The following XRCC4 variants were observed in gnomAD, a reference collection of about 807,000 sequenced individuals.
XRCC4 encodes the protein X-ray repair cross complementing 4, also known as DNA repair protein XRCC4.
Under a neutral mutation model 39.1 loss-of-function variants are expected in XRCC4, and 28 were observed. The observed-to-expected ratio is 0.72, with a 90% CI of 0.53 to 0.98. The LOEUF is 0.98. Ranked by LOEUF, XRCC4 falls within the 50% of genes least tolerant of loss-of-function variation. The probability of loss-of-function intolerance (pLI) is 0.00; values close to 1 mark genes in which losing one functional copy is unlikely to be tolerated. For synonymous variants in XRCC4, 123 were observed against 126.4 expected, an observed-to-expected ratio of 0.97 and a Z score of 0.18; for missense variants, 350 against 376.4, an observed-to-expected ratio of 0.93 and a Z score of 0.58.
intron 4 of XRCC4, among the ~76,000 whole-genome samples, chr5:83,200,385 A>T (rs1751136124): frequency 6.6e-6 from 1 of 152,216 alleles, no homozygotes; most frequent in Non-Finnish European, 1.5e-5. Context: ...GCTGAAACCA[A>T]GCAAGGTTAA....
At chr5:83,126,318 A>T (rs1161456049) in intron 3 of XRCC4, among the ~76,000 whole-genome samples, 1 of 152,108 alleles carries the variant, frequency 6.6e-6, no homozygotes, top group Non-Finnish European at 1.5e-5. Context: ...GTGGCTCATT[A>T]TGAGCATCTA....
intron 3 of XRCC4, among the ~76,000 whole-genome samples, chr5:83,192,090 A>C (rs1008979105): frequency 1.8e-4 from 27 of 148,128 alleles, no homozygotes; most frequent in African/African-American, 6.6e-4. Flanking sequence ...TAAAAAGCTA[A>C]AAGTATTTAT....
downstream of XRCC4, among the ~76,000 whole-genome samples, chr5:83,358,493 C>T (rs1018545374): frequency 6.6e-6 from 1 of 152,040 alleles, no homozygotes; most frequent in South Asian, 2.1e-4. Context: ...ATTTCACAAT[C>T]TCACAAGCAG....
chr5:83,182,163 T>C (rs764083632), intron 3 of XRCC4, among the ~76,000 whole-genome samples: 45 of 152,126 alleles, frequency 3.0e-4, no homozygotes, highest in South Asian at 8.3e-4. Flanking sequence ...TATAGAATAG[T>C]TGCTGTGGCC....
At position 83,203,535 on chromosome 5, in the gene XRCC4, C is replaced by T. The variant is rs374634899; in HGVS notation, c.483-17C>T. The T allele has an allele frequency of 1.9e-6, 3 of 1,571,582 alleles. No individual in the cohort carries two copies. In the African/African-American group the frequency reaches 4.1e-5, roughly 22 times the overall value. On this transcript the variant is annotated splice_polypyrimidine_tract_variant and intron_variant, in intron 4 of 7. Coordinates refer to ENST00000396027, the MANE Select transcript of XRCC4 (RefSeq NM_003401.5). ...CAGAACTGCATGACTAATTTGTTTACTTATTTACTTTTTTAGATTTGAAAA... is the reference window on the plus strand; with the variant it reads ...CAGAACTGCATGACTAATTTGTTTATTTATTTACTTTTTTAGATTTGAAAA...
intron 3 of XRCC4, among the ~76,000 whole-genome samples, chr5:83,161,618 T>C (rs1015498493): frequency 6.6e-6 from 1 of 152,188 alleles, no homozygotes; most frequent in Non-Finnish European, 1.5e-5. Context: ...ATTTGGCCAT[T>C]TGTTTGTAGA....
chr5:83,348,248 C>G (rs879655126), intron 7 of XRCC4, among the ~76,000 whole-genome samples: 1 of 152,172 alleles, frequency 6.6e-6, no homozygotes, highest in African/African-American at 2.4e-5. Flanking sequence ...TTTGAGGGCT[C>G]CAACCACACA....
the XRCC4 span, among the ~76,000 whole-genome samples, chr5:83,367,098 G>A: frequency 6.6e-6 from 1 of 152,064 alleles, no homozygotes; most frequent in East Asian, 1.9e-4. Context: ...ATTCTCAATC[G>A]ATATTTTTTG....
intron 3 of XRCC4, among the ~76,000 whole-genome samples, chr5:83,181,073 TCTATTTATC>T (rs1561385531): frequency 3.2e-3 from 470 of 147,318 alleles, no homozygotes; most frequent in African/African-American, 0.011. Flanking sequence ...TTTTGCGAAT[TCTATTTATC>T]GCGAAGGTTC....
At chr5:83,161,304 G>C (rs780682680) in intron 3 of XRCC4, among the ~76,000 whole-genome samples, 1 of 151,890 alleles carries the variant, frequency 6.6e-6, no homozygotes, top group Non-Finnish European at 1.5e-5. Flanking sequence ...TTTGATTTTC[G>C]TATTTTTAGT....
chr5:83,146,331 G>A (rs1042866459), intron 3 of XRCC4, among the ~76,000 whole-genome samples: 1 of 152,146 alleles, frequency 6.6e-6, no homozygotes, highest in African/African-American at 2.4e-5. Context: ...AACTGAATTG[G>A]AAAAGTCAGG....
chr5:83,335,680 T>C (rs940158672), intron 7 of XRCC4, among the ~76,000 whole-genome samples: 2 of 152,030 alleles, frequency 1.3e-5, no homozygotes, highest in African/African-American at 4.8e-5. Flanking sequence ...TTAGAAAATA[T>C]TGGTTGAAGT....
chr5:83,264,622 T>C lies in XRCC4; in HGVS notation c.893+5945T>C, dbSNP rs112279924. Among the ~76,000 whole-genome samples, 899 of 152,142 alleles carry C rather than the reference T, an allele frequency of 5.9e-3. 12 individuals carry two copies. The highest frequency in any genetic ancestry group is 0.021 in the African/African-American group (863 of 41,510). On this transcript the variant is annotated intron_variant, in intron 7 of 7. Coordinates refer to ENST00000396027, the MANE Select transcript of XRCC4 (RefSeq NM_003401.5). ...TGGGAAACTCGTAATCCCACCCACC[T>C]GGAGATGACCACCGTTGAGACCTGG... is the stretch of plus-strand genomic sequence containing the variant.
intron 4 of XRCC4, among the ~76,000 whole-genome samples, chr5:83,199,255 G>C (rs925199): frequency 0.059 from 9,019 of 152,184 alleles, 1,004 homozygotes; most frequent in East Asian, 0.48. Flanking sequence ...AACTGTCGCA[G>C]TCAGAAAATT....
At chr5:83,287,047 C>A (rs572838140) in intron 7 of XRCC4, among the ~76,000 whole-genome samples, 1 of 152,070 alleles carries the variant, frequency 6.6e-6, no homozygotes, top group South Asian at 2.1e-4. Context: ...GATTAAGATT[C>A]GTGTATGTTG....
chr5:83,144,140 A>G (rs1049754966), intron 3 of XRCC4, among the ~76,000 whole-genome samples: 1 of 151,610 alleles, frequency 6.6e-6, no homozygotes, highest in Non-Finnish European at 1.5e-5. Context: ...CCCACTTGTA[A>G]GTGAGAACAT....
At chr5:83,179,399 T>C (rs1750106084) in intron 3 of XRCC4, among the ~76,000 whole-genome samples, 1 of 152,192 alleles carries the variant, frequency 6.6e-6, no homozygotes, top group Non-Finnish European at 1.5e-5. Flanking sequence ...TTGGTTTATC[T>C]TTGAAAAAGC....
chr5:83,369,982 T>G, the XRCC4 span, among the ~76,000 whole-genome samples: 1 of 152,194 alleles, frequency 6.6e-6, no homozygotes, highest in Non-Finnish European at 1.5e-5. Flanking sequence ...TGGTTTTGAT[T>G]TGAAAATATG....
intron 6 of XRCC4, among the ~76,000 whole-genome samples, chr5:83,218,244 CTT>C (rs989844606): frequency 8.3e-6 from 1 of 121,058 alleles, no homozygotes; most frequent in Non-Finnish European, 1.6e-5. Flanking sequence ...ACTTCTCAGT[CTT>C]TAATATGCTA....
Sources: allele counts gnomAD v4.1 joint callset (sites outside exome capture counted in the v4.1 genomes callset), GRCh38; gene constraint gnomAD v4.1.1; transcripts MANE v1.5; gene names NCBI Gene and HGNC (gene_info 2026-07-23, HGNC 2026-07-21).